TTC23L: variants seen among roughly 807,000 people sequenced by gnomAD.
TTC23L encodes tetratricopeptide repeat domain 23 like.
In TTC23L, 42 loss-of-function variants were observed where a neutral mutation model predicts 48.1. The ratio of observed to expected loss-of-function variants is 0.87; its 90% CI spans 0.68 to 1.13. TTC23L has a LOEUF of 1.13. Among genes scored for constraint, TTC23L ranks in the 50% most tolerant of loss-of-function variants. The pLI is 0.00. For missense variants in TTC23L, 391 were observed against 421.0 expected (o/e 0.93, Z 0.62); for synonymous variants, 159 against 157.2 (o/e 1.01, Z -0.09).
At chr5:34,911,501 T>A in the TTC23L span, 4 of 1,567,322 alleles carry the variant, frequency 2.6e-6, no homozygotes, top group East Asian at 9.0e-5. Flanking sequence ...AATGTCTAAG[T>A]GGGAAGATGG....
downstream of TTC23L, among the ~76,000 whole-genome samples, chr5:34,901,189 C>T (rs775246933): frequency 1.5e-4 from 23 of 151,350 alleles, no homozygotes; most frequent in Non-Finnish European, 2.6e-4. Context: ...TTCTAGGCAA[C>T]GCAGTTTGTG....
intron 4 of TTC23L, among the ~76,000 whole-genome samples, chr5:34,854,024 A>G (rs1026543093): frequency 5.3e-5 from 8 of 152,234 alleles, no homozygotes; most frequent in Non-Finnish European, 8.8e-5. Context: ...ATCTTCTGAA[A>G]TCAATCCCTT....
chr5:34,844,982 T>C (rs1758987917), intron 2 of TTC23L, among the ~76,000 whole-genome samples: 1 of 152,248 alleles, frequency 6.6e-6, no homozygotes, highest in Non-Finnish European at 1.5e-5. Flanking sequence ...TATTTCATTG[T>C]ATCCATTTTC....
At chr5:34,841,120 T>G (rs1758632761) in intron 2 of TTC23L, among the ~76,000 whole-genome samples, 1 of 152,208 alleles carries the variant, frequency 6.6e-6, no homozygotes. Flanking sequence ...AATATCTGTT[T>G]GTATTTACAA....
exon 3 of TTC23L, chr5:34,845,580 A>G: frequency 6.2e-7 from 1 of 1,614,040 alleles, no homozygotes; most frequent in Non-Finnish European, 8.5e-7. Flanking sequence ...CTAAAGCTAA[A>G]GAGAAGGAGA....
chr5:34,911,897 A>T, the TTC23L span: 1 of 1,466,664 alleles, frequency 6.8e-7, no homozygotes, highest in East Asian at 2.3e-5. Flanking sequence ...AAATTTCTCA[A>T]GAATAATTTA....
At chr5:34,908,840 T>G in the TTC23L span, 1 of 1,613,128 alleles carries the variant, frequency 6.2e-7, no homozygotes, top group Non-Finnish European at 8.5e-7. Context: ...CATCTTCATT[T>G]CTAATCATAT....
the TTC23L span, among the ~76,000 whole-genome samples, chr5:34,917,533 G>A: frequency 1.3e-4 from 19 of 151,880 alleles, no homozygotes; most frequent in South Asian, 4.2e-4. Flanking sequence ...CCAGCTACTC[G>A]GGAGTCTGAG....
At chr5:34,911,002 T>G in the TTC23L span, among the ~76,000 whole-genome samples, 1 of 152,204 alleles carries the variant, frequency 6.6e-6, no homozygotes, top group Non-Finnish European at 1.5e-5. Flanking sequence ...ATACAGCATT[T>G]CCCAGGTATC....
intron 3 of TTC23L, among the ~76,000 whole-genome samples, chr5:34,846,912 A>G (rs1759249485): frequency 6.6e-6 from 1 of 152,070 alleles, no homozygotes. Flanking sequence ...AAAGATTCCA[A>G]ATATGCATTT....
At chr5:34,923,336 G>T in the TTC23L span, 1 of 896,688 alleles carries the variant, frequency 1.1e-6, no homozygotes. Flanking sequence ...CTGGACTGCA[G>T]TGGCACAATC....
chr5:34,892,611 G>A (rs906901547), intron 9 of TTC23L, among the ~76,000 whole-genome samples: 3 of 152,328 alleles, frequency 2.0e-5, no homozygotes, highest in African/African-American at 7.2e-5. Flanking sequence ...AAAAGGGCAA[G>A]TAATAAATCA....
At chr5:34,860,018 T>C (rs1229034301) in intron 4 of TTC23L, among the ~76,000 whole-genome samples, 2 of 151,868 alleles carry the variant, frequency 1.3e-5, no homozygotes, top group Non-Finnish European at 2.9e-5. Flanking sequence ...TAATTTTTTG[T>C]ATTTTTTTTT....
intron 7 of TTC23L, 86 bp downstream of exon 7, chr5:34,867,155 A>G: frequency 7.5e-7 from 1 of 1,327,402 alleles, no homozygotes; most frequent in Non-Finnish European, 1.1e-6. Flanking sequence ...TGGGCTTCTC[A>G]GAAGAACAAG....
chr5:34,920,835 T>C, the TTC23L span: 1 of 152,102 alleles, frequency 6.6e-6, no homozygotes, highest in Non-Finnish European at 1.5e-5. Context: ...AGTTTTGTTT[T>C]TTTTTTTTAA....
chr5:34,897,648 T>C (rs1456288559), intron 10 of TTC23L, among the ~76,000 whole-genome samples: 1 of 152,160 alleles, frequency 6.6e-6, no homozygotes, highest in African/African-American at 2.4e-5. Flanking sequence ...TAGAAACCAT[T>C]GTATTTTACA....
chr5:34,871,989 A>T (rs1761499309), intron 8 of TTC23L, among the ~76,000 whole-genome samples: 1 of 152,194 alleles, frequency 6.6e-6, no homozygotes, highest in South Asian at 2.1e-4. Context: ...TTACATAGAA[A>T]AAAATAGGCT....
chr5:34,898,790 A>G (rs181413487), intron 10 of TTC23L, among the ~76,000 whole-genome samples: 27 of 152,334 alleles, frequency 1.8e-4, no homozygotes, highest in African/African-American at 6.5e-4. Flanking sequence ...TTTCAAGTAA[A>G]AAAAGGGCTA....
chr5:34,882,036 G>A lies in TTC23L; in HGVS notation c.1077+1728G>A, dbSNP rs1762257939. ...CCCAAAGTGCTAAGATTAGAGGCGTGAGCCACAGCACCCGGCCGGTTCAGA... is the reference window on the plus strand; with the variant it reads ...CCCAAAGTGCTAAGATTAGAGGCGTAAGCCACAGCACCCGGCCGGTTCAGA... On this transcript the variant is annotated intron_variant, in intron 9 of 10. Transcript: ENST00000505624. 4.6e-5 allele frequency among the ~76,000 whole-genome samples: 7 copies of A among 152,246 alleles called. No homozygotes were observed. In the South Asian group the frequency reaches 1.5e-3, roughly 32 times the overall value.
Sources: gnomAD v4.1 joint callset for allele counts (sites outside exome capture counted in the v4.1 genomes callset) on GRCh38, gnomAD v4.1.1 for gene constraint, MANE v1.5 for transcripts, NCBI Gene and HGNC (gene_info 2026-07-23, HGNC 2026-07-21) for gene names.